Variants in JAK1 observed in about 807,000 individuals in gnomAD.
JAK1 encodes Janus kinase 1.
In JAK1, 16 loss-of-function variants were observed where a neutral mutation model predicts 136.6. The ratio of observed to expected loss-of-function variants is 0.12; its 90% confidence interval spans 0.08 to 0.18. The LOEUF is 0.18. JAK1 is among the 10% of genes least tolerant of loss of function. The pLI, the probability that JAK1 is intolerant of heterozygous loss-of-function variation, is 1.00. For synonymous variants in JAK1, 492 were observed against 519.5 expected (o/e 0.95, Z 0.72); for missense variants, 859 against 1,450.1 (o/e 0.59, Z 6.62).
At chr1:64,872,035 C>G (rs1040009176) in intron 5 of JAK1, among the ~76,000 whole-genome samples, 1 of 152,234 alleles carries the variant, frequency 6.6e-6, no homozygotes, top group Non-Finnish European at 1.5e-5. Flanking sequence ...CATCACCCTC[C>G]TCTGGTCTGC....
At chr1:65,053,816 C>A (rs146847753) in intron 1 of JAK1, among the ~76,000 whole-genome samples, 1 of 152,350 alleles carries the variant, frequency 6.6e-6, no homozygotes, top group Non-Finnish European at 1.5e-5. Flanking sequence ...AAGACCCTGT[C>A]TCCCCTGGGC....
chr1:64,863,512 T>C (rs1165413462), intron 8 of JAK1, among the ~76,000 whole-genome samples: 1 of 148,812 alleles, frequency 6.7e-6, no homozygotes, highest in Non-Finnish European at 1.5e-5. Context: ...TATATTTTTC[T>C]AATAAAATTA....
rs138224252 is a variant in JAK1, at chr1:64,984,685, C to T, written c.-78+59795G>A. On this transcript the variant is annotated intron_variant, in intron 2 of 25. Coordinates refer to the JAK1 transcript ENST00000671954. This position sits in a 1 kb window ranked among gnomAD's most constrained non-coding sequence, Gnocchi z 4.1. The stretch of plus-strand genomic sequence containing the variant: ...ACAGTCCTTCCAGATCTATTTGCAT[C>T]GTGTGCCTGCCCCTCAAAGGCCTAT... 410 of 612,240 alleles carry T rather than the reference C, an allele frequency of 6.7e-4. 3 individuals carry two copies. The highest frequency in any genetic ancestry group is 6.0e-3 in the African/African-American group (320 of 53,496). The allele number at this position is 612,240 out of a possible 1,614,324, so 37.9% of individuals were successfully genotyped here.
chr1:64,891,634 C>G (rs310249), intron 1 of JAK1, among the ~76,000 whole-genome samples: 32,739 of 152,060 alleles, frequency 0.22, 4,927 homozygotes, highest in African/African-American at 0.42. Context: ...ATAGAGCCAC[C>G]GAAAATGACT....
Position 64,834,489 on chromosome 1 carries a change from A to T in JAK1, c.*73T>A, listed in dbSNP as rs1335624480. The T allele has an allele frequency of 4.8e-6, 5 of 1,047,810 alleles. No homozygotes were observed. The highest frequency in any genetic ancestry group is 2.4e-5 in the East Asian group (1 of 41,662). The allele number at this position is 1,047,810 out of a possible 1,614,324, so 64.9% of individuals were successfully genotyped here. On this transcript the variant is annotated 3_prime_UTR_variant, in exon 25 of 25. Coordinates refer to ENST00000342505, the MANE Select transcript of JAK1 (RefSeq NM_002227.4). ...CAAACTTCTTTCATTAGAAATTTTT[A>T]AAAAATGACTTGGGCATTTGTTGCA...
At chr1:65,019,263 A>C (rs1000650339) in intron 2 of JAK1, among the ~76,000 whole-genome samples, 1 of 152,212 alleles carries the variant, frequency 6.6e-6, no homozygotes, top group Non-Finnish European at 1.5e-5. Flanking sequence ...AAATAAAATT[A>C]CAATCTAATT....
chr1:64,937,575 A>T (rs1384160517), intron 1 of JAK1, among the ~76,000 whole-genome samples: 8 of 152,208 alleles, frequency 5.3e-5, no homozygotes, highest in Non-Finnish European at 1.0e-4. Context: ...ACTTCTTGTC[A>T]ATCTATAATT....
At chr1:64,898,366 G>A (rs185907488) in intron 1 of JAK1, among the ~76,000 whole-genome samples, 1 of 152,214 alleles carries the variant, frequency 6.6e-6, no homozygotes, top group African/African-American at 2.4e-5. Context: ...TACAGAGTCA[G>A]AAACCAGAGG....
intron 1 of JAK1, among the ~76,000 whole-genome samples, chr1:64,962,458 C>T (rs1348134617): frequency 6.6e-6 from 1 of 152,162 alleles, no homozygotes; most frequent in African/African-American, 2.4e-5. Flanking sequence ...CTGCCAACTA[C>T]AAAGAATCAT....
rs892973988 is a variant in JAK1 at position 64,930,940 on chromosome 1, T to C, written c.-78+35393A>G. On this transcript the variant is annotated intron_variant, in intron 1 of 24. Transcript: ENST00000342505. ...ACATGTTCTCACTCATAAGTGGGAGTTGAACAATGAGAACACATGGATGCA... is the reference window on the plus strand; with the variant it reads ...ACATGTTCTCACTCATAAGTGGGAGCTGAACAATGAGAACACATGGATGCA... Among the ~76,000 whole-genome samples the C allele has an allele frequency of 1.1e-4, 16 of 151,118 alleles. 1 individual carries two copies. The East Asian group carries it at 1.4e-3, about 13-fold the overall frequency.
At chr1:65,001,989 A>AT (rs1361117842) in intron 2 of JAK1, among the ~76,000 whole-genome samples, 3 of 151,930 alleles carry the variant, frequency 2.0e-5, no homozygotes, top group African/African-American at 7.3e-5. Flanking sequence ...AAAATGGCAT[A>AT]TATCAGGCGT....
upstream of JAK1, among the ~76,000 whole-genome samples, chr1:64,971,449 G>A (rs80327005): frequency 0.023 from 3,544 of 152,174 alleles, 158 homozygotes; most frequent in African/African-American, 0.081. Context: ...AGCCTCAATC[G>A]ATCCTCCTGC....
At chr1:64,919,010 C>CT (rs1645448099) in intron 1 of JAK1, among the ~76,000 whole-genome samples, 1 of 151,878 alleles carries the variant, frequency 6.6e-6, no homozygotes, top group African/African-American at 2.4e-5. Context: ...CACCTGGCTC[C>CT]TTTTACCTTT....
chr1:64,904,850 G>A (rs540773178), intron 1 of JAK1, among the ~76,000 whole-genome samples: 1 of 152,178 alleles, frequency 6.6e-6, no homozygotes, highest in South Asian at 2.1e-4. Flanking sequence ...TAAAAGTAGG[G>A]GAGAATGAGC....
rs1165403829 is a variant in JAK1, at chr1:64,984,208, AC to A, written c.-78+60271del. The stretch of plus-strand genomic sequence containing the variant: ...GTATGGAAGTGAGGAAGGTGCTCTT[AC>A]ATAAACCCTGTCTGCCTTCCCACAG... On this transcript the variant is annotated intron_variant, in intron 2 of 25. Transcript: ENST00000671954. The surrounding 1 kb of genome is among the most constrained non-coding windows in gnomAD (Gnocchi z 4.1). Among the ~76,000 whole-genome samples the A allele has an allele frequency of 2.6e-5, 4 of 152,206 alleles. No individual in the cohort carries two copies. Among genetic ancestry groups the A allele is most frequent in the Admixed American group, 1.3e-4 (2 of 15,278 alleles).
intron 1 of JAK1, among the ~76,000 whole-genome samples, chr1:64,962,893 T>C (rs6588108): frequency 0.98 from 148,900 of 152,226 alleles, 72,890 homozygotes; most frequent in East Asian, 1. Flanking sequence ...CATGGTGAAA[T>C]CCCATCTCTA....
intron 1 of JAK1, among the ~76,000 whole-genome samples, chr1:65,053,507 G>A (rs952718449): frequency 1.3e-5 from 2 of 152,158 alleles, no homozygotes; most frequent in African/African-American, 2.4e-5. Flanking sequence ...AAAAACGTAA[G>A]AGGTTTGTCT....
At chr1:65,002,939 C>T (rs1421497566) in intron 2 of JAK1, among the ~76,000 whole-genome samples, 3 of 152,066 alleles carry the variant, frequency 2.0e-5, no homozygotes, top group Non-Finnish European at 4.4e-5. Context: ...GCTTTCTTGG[C>T]CCGGGCTTGG....
At chr1:65,005,491 C>T (rs914904317) in intron 2 of JAK1, among the ~76,000 whole-genome samples, 1 of 152,086 alleles carries the variant, frequency 6.6e-6, no homozygotes, top group African/African-American at 2.4e-5. Flanking sequence ...CTATAGGGTG[C>T]ATACGGGTAA....
Sources: allele counts gnomAD v4.1 joint callset (sites outside exome capture counted in the v4.1 genomes callset), GRCh38; gene constraint gnomAD v4.1.1; non-coding constraint Gnocchi (gnomAD v3.1); transcripts MANE v1.5; gene names NCBI Gene and HGNC (gene_info 2026-07-23, HGNC 2026-07-21).